TEAD1: variants seen among roughly 807,000 people sequenced by gnomAD.
The protein encoded by TEAD1 is TEA domain transcription factor 1, also known as transcriptional enhancer factor TEF-1.
A neutral mutation model predicts 54.9 loss-of-function variants in TEAD1; 9 were observed. That is an observed-to-expected ratio of 0.16 (90% confidence interval 0.10 to 0.29). The LOEUF is 0.29. Ranked by LOEUF, TEAD1 falls within the 10% of genes least tolerant of loss-of-function variation. TEAD1 has a pLI of 1.00. For synonymous variants in TEAD1, 200 were observed against 187.8 expected (o/e 1.07, Z -0.53); for missense variants, 387 against 535.9 (o/e 0.72, Z 2.74).
At chr11:12,775,591 T>C (rs1456868010) in intron 3 of TEAD1, among the ~76,000 whole-genome samples, 2 of 152,198 alleles carry the variant, frequency 1.3e-5, no homozygotes, top group Non-Finnish European at 2.9e-5. Context: ...TCATTATTGA[T>C]GGTAGTGTTC....
chr11:12,723,584 C>T (rs1944255415), intron 2 of TEAD1, among the ~76,000 whole-genome samples: 1 of 152,152 alleles, frequency 6.6e-6, no homozygotes, highest in Non-Finnish European at 1.5e-5. Context: ...TCCTCTTCTC[C>T]TTAGATTCTC....
intron 2 of TEAD1, among the ~76,000 whole-genome samples, chr11:12,700,167 T>G (rs1052326661): frequency 6.6e-6 from 1 of 152,226 alleles, no homozygotes; most frequent in Non-Finnish European, 1.5e-5. Context: ...TAATTAGAGA[T>G]CCCTTAGATA....
chr11:12,861,885 C>G (rs1365857381), intron 3 of TEAD1, among the ~76,000 whole-genome samples: 2 of 151,956 alleles, frequency 1.3e-5, no homozygotes. Flanking sequence ...ACTTGGGATG[C>G]TGAGGCAGGA....
chr11:12,926,567 G>T (rs1948905926), intron 11 of TEAD1, among the ~76,000 whole-genome samples: 1 of 152,194 alleles, frequency 6.6e-6, no homozygotes, highest in Admixed American at 6.5e-5. Flanking sequence ...AATAGGCAAT[G>T]ATTATAGATG....
intron 2 of TEAD1, among the ~76,000 whole-genome samples, chr11:12,693,959 T>C (rs905751112): frequency 1.3e-5 from 2 of 152,180 alleles, no homozygotes; most frequent in African/African-American, 4.8e-5. Flanking sequence ...TTGTAAGCGG[T>C]AGGAAGATGT....
intron 3 of TEAD1, among the ~76,000 whole-genome samples, chr11:12,778,700 T>A (rs1034860249): frequency 6.6e-6 from 1 of 152,146 alleles, no homozygotes; most frequent in Non-Finnish European, 1.5e-5. Context: ...TTGTTGGTAA[T>A]AAAATTCCAT....
At chr11:12,749,063 T>C (rs1436734380) in intron 2 of TEAD1, among the ~76,000 whole-genome samples, 1 of 152,124 alleles carries the variant, frequency 6.6e-6, no homozygotes, top group Non-Finnish European at 1.5e-5. Flanking sequence ...CTTTTACAGA[T>C]AGATCCTTAA....
chr11:12,879,533 G>T (rs555852563), intron 5 of TEAD1, 175 bp from the exon 6 acceptor site: 5 of 768,214 alleles, frequency 6.5e-6, no homozygotes, highest in African/African-American at 5.1e-5. Context: ...TGAGAGGTAC[G>T]GTAGGTTGAG....
intron 12 of TEAD1, among the ~76,000 whole-genome samples, chr11:12,932,416 G>GC (rs980912533): frequency 6.6e-6 from 1 of 151,938 alleles, no homozygotes; most frequent in South Asian, 2.1e-4. Flanking sequence ...GCCTCTCTTG[G>GC]GGGGGAGTCT....
chr11:12,769,860 T>C (rs529446001), intron 3 of TEAD1, among the ~76,000 whole-genome samples: 1 of 152,244 alleles, frequency 6.6e-6, no homozygotes, highest in African/African-American at 2.4e-5. Context: ...ATATAGAAGG[T>C]GTCAGTAATG....
intron 12 of TEAD1, among the ~76,000 whole-genome samples, chr11:12,931,396 A>G (rs1949008166): frequency 6.6e-6 from 1 of 152,202 alleles, no homozygotes; most frequent in South Asian, 2.1e-4. Flanking sequence ...TGAGGGAAAC[A>G]ATCTTAGCAA....
intron 2 of TEAD1, among the ~76,000 whole-genome samples, chr11:12,700,437 A>G (rs1039842161): frequency 6.6e-6 from 1 of 152,228 alleles, no homozygotes; most frequent in African/African-American, 2.4e-5. Flanking sequence ...TTCACCAGGT[A>G]CTCAAGGTTT....
rs930465550 is a variant in TEAD1, at chr11:12,844,610, G to A, written c.203-17640G>A. ...GAAAAATCTCCACAGCAATATGGCA[G>A]TGGAGCATTTGCTGACTTCAGAGTG... On this transcript the variant is annotated intron_variant, in intron 3 of 12. Transcript: ENST00000527636. 6.6e-5 allele frequency among the ~76,000 whole-genome samples: 10 copies of A among 152,274 alleles called. No homozygotes were observed. The South Asian group carries it at 2.1e-3, about 32-fold the overall frequency.
intron 2 of TEAD1, among the ~76,000 whole-genome samples, chr11:12,729,912 G>A (rs1944385541): frequency 6.6e-6 from 1 of 152,164 alleles, no homozygotes; most frequent in African/African-American, 2.4e-5. Context: ...TGCATGTGTT[G>A]CTTATTCCAT....
At chr11:12,783,500 G>GT (rs1945609029) in intron 3 of TEAD1, among the ~76,000 whole-genome samples, 1 of 152,110 alleles carries the variant, frequency 6.6e-6, no homozygotes, top group Non-Finnish European at 1.5e-5. Context: ...CTCTCACAGT[G>GT]TTTTTTTCAA....
At chr11:12,824,792 G>C (rs768783984) in intron 3 of TEAD1, among the ~76,000 whole-genome samples, 6 of 152,154 alleles carry the variant, frequency 3.9e-5, no homozygotes, top group Non-Finnish European at 7.4e-5. Flanking sequence ...CGGGCTCCTG[G>C]CCTGGCAGAA....
At chr11:12,790,771 T>TA (rs1332046257) in intron 3 of TEAD1, among the ~76,000 whole-genome samples, 1 of 152,228 alleles carries the variant, frequency 6.6e-6, no homozygotes, top group East Asian at 1.9e-4. Flanking sequence ...AAAAGATACT[T>TA]AACATTAGCC....
chr11:12,796,068 C>A (rs1945912691), intron 3 of TEAD1, among the ~76,000 whole-genome samples: 2 of 152,116 alleles, frequency 1.3e-5, no homozygotes, highest in Non-Finnish European at 2.9e-5. Context: ...CTTTTTATTT[C>A]CACAGTAGTG....
At chr11:12,910,152 G>A (rs576546234) in intron 10 of TEAD1, among the ~76,000 whole-genome samples, 1 of 152,312 alleles carries the variant, frequency 6.6e-6, no homozygotes, top group South Asian at 2.1e-4. Context: ...AATTCCCAGA[G>A]CTAGAAGACA....
Sources: allele counts gnomAD v4.1 joint callset (sites outside exome capture counted in the v4.1 genomes callset), GRCh38; gene constraint gnomAD v4.1.1; transcripts MANE v1.5; gene names NCBI Gene and HGNC (gene_info 2026-07-23, HGNC 2026-07-21).